The following ARSB variants were observed in gnomAD, a reference collection of about 807,000 sequenced individuals.
The protein encoded by ARSB is arylsulfatase B, also known as N-acetylgalactosamine-4-sulfatase.
In ARSB, 41 loss-of-function variants were observed where a neutral mutation model predicts 50.9. That is an observed-to-expected ratio of 0.81 (90% CI 0.63 to 1.04). The LOEUF is 1.04. ARSB is among the 50% of genes least tolerant of loss of function. The pLI is 0.00. For synonymous variants in ARSB, 269 were observed against 284.8 expected, an observed-to-expected ratio of 0.94 and a Z score of 0.56; for missense variants, 672 against 693.3, an observed-to-expected ratio of 0.97 and a Z score of 0.35.
intron 6 of ARSB, among the ~76,000 whole-genome samples, chr5:78,809,117 C>G (rs973835411): frequency 9.2e-5 from 14 of 152,196 alleles, no homozygotes; most frequent in Non-Finnish European, 2.1e-4. Context: ...TGGACAGATT[C>G]AGCATCTAAC....
In ARSB at chr5:78,942,334, G is replaced by A. The variant is rs191110425; in HGVS notation, c.898+12961C>T. On this transcript the variant is annotated intron_variant, in intron 4 of 7. Transcript: ENST00000264914. ...CCTTGCCTTCTGCTAGCTTTTGAAT[G>A]GGTTTGCTCTTGCTTCTCTAGTTCT... Among the ~76,000 whole-genome samples, 177 of 151,900 alleles carry A rather than the reference G, an allele frequency of 1.2e-3. 1 individual carries two copies. Among genetic ancestry groups the A allele is most frequent in the South Asian group, 8.4e-3 (40 of 4,790 alleles).
intron 6 of ARSB, chr5:78,815,926 G>A: frequency 1.3e-6 from 2 of 1,517,866 alleles, no homozygotes; most frequent in Admixed American, 2.1e-5. Context: ...CTTCTTTCTT[G>A]GAGAAGGCAC....
At chr5:78,807,882 A>G (rs1055968636) in intron 6 of ARSB, among the ~76,000 whole-genome samples, 4 of 151,844 alleles carry the variant, frequency 2.6e-5, no homozygotes, top group East Asian at 1.9e-4. Flanking sequence ...TCACGAGGTC[A>G]GGAGATCGAG....
intron 4 of ARSB, among the ~76,000 whole-genome samples, chr5:78,893,703 T>A (rs771013639): frequency 1.3e-5 from 2 of 152,212 alleles, no homozygotes; most frequent in African/African-American, 2.4e-5. Flanking sequence ...GATCTTTAGA[T>A]GAAAGTTGTA....
At chr5:78,857,931 G>T (rs181720251) in intron 5 of ARSB, among the ~76,000 whole-genome samples, 1 of 152,250 alleles carries the variant, frequency 6.6e-6, no homozygotes, top group East Asian at 1.9e-4. Flanking sequence ...TTTTTTATGT[G>T]CAACACACCA....
chr5:78,831,486 C>T (rs976310404), intron 6 of ARSB, among the ~76,000 whole-genome samples: 2 of 152,110 alleles, frequency 1.3e-5, no homozygotes, highest in African/African-American at 4.8e-5. Context: ...TTTTTCCAGC[C>T]TCCTTTAAAT....
At chr5:78,865,936 C>T (rs1746698506) in intron 5 of ARSB, among the ~76,000 whole-genome samples, 1 of 152,220 alleles carries the variant, frequency 6.6e-6, no homozygotes, top group Admixed American at 6.5e-5. Flanking sequence ...ATATTGCTAT[C>T]AGCATTTTGG....
intron 3 of ARSB, among the ~76,000 whole-genome samples, chr5:78,963,048 C>A (rs1273595346): frequency 7.2e-5 from 11 of 152,186 alleles, no homozygotes. Flanking sequence ...CCAGTGGGAG[C>A]CTAATGGCAG....
chr5:78,821,924 T>A (rs1744244652), intron 6 of ARSB, among the ~76,000 whole-genome samples: 1 of 152,242 alleles, frequency 6.6e-6, no homozygotes, highest in Admixed American at 6.5e-5. Flanking sequence ...GAATAAAAGC[T>A]GACTCTGACT....
intron 6 of ARSB, among the ~76,000 whole-genome samples, chr5:78,811,966 C>G (rs1339315522): frequency 2.0e-5 from 3 of 151,940 alleles, no homozygotes. Context: ...CTGAACTAAT[C>G]CTGTACCAGT....
chr5:78,927,869 C>T (rs1253125465), intron 4 of ARSB, among the ~76,000 whole-genome samples: 1 of 152,128 alleles, frequency 6.6e-6, no homozygotes, highest in East Asian at 1.9e-4. Flanking sequence ...AAAGCTGAGA[C>T]AGGAATGTCA....
intron 4 of ARSB, among the ~76,000 whole-genome samples, chr5:78,939,582 T>G (rs945921078): frequency 6.6e-6 from 1 of 152,222 alleles, no homozygotes; most frequent in African/African-American, 2.4e-5. Context: ...GGTTTCCAGC[T>G]TCATCCGTGT....
intron 6 of ARSB, among the ~76,000 whole-genome samples, chr5:78,793,494 C>G (rs139038080): frequency 1.3e-5 from 2 of 152,094 alleles, no homozygotes; most frequent in African/African-American, 4.8e-5. Context: ...CATGGATGTA[C>G]GCAGTTGGTC....
At chr5:78,877,937 C>T (rs1747563806) in intron 5 of ARSB, among the ~76,000 whole-genome samples, 1 of 151,826 alleles carries the variant, frequency 6.6e-6, no homozygotes, top group African/African-American at 2.4e-5. Flanking sequence ...TTAAAAAGAC[C>T]CAAGTGGAGC....
At chr5:78,861,489 T>A (rs373307210) in intron 5 of ARSB, among the ~76,000 whole-genome samples, 1 of 152,134 alleles carries the variant, frequency 6.6e-6, no homozygotes, top group African/African-American at 2.4e-5. Context: ...ATCCATCATA[T>A]AAACAGAACC....
Position 78,885,742 on chromosome 5 carries a change from C to G in ARSB, c.984G>C (p.Gly328=), listed in dbSNP as rs762523255. The G allele has an allele frequency of 1.2e-6, 2 of 1,614,116 alleles. No homozygotes were observed. The highest frequency in any genetic ancestry group is 1.7e-6 in the Non-Finnish European group (2 of 1,180,040). The change falls in exon 5 of 8, where the codon GGG becomes GGC. Residue 328 remains glycine, a synonymous_variant. Transcript: ENST00000264914. ...GCAAGGGGCTTGCCACAAAGCCCACCCCTCGGACGCCTCCTTCCCACAGGC... is the reference window on the plus strand; with the variant it reads ...GCAAGGGGCTTGCCACAAAGCCCACGCCTCGGACGCCTCCTTCCCACAGGC... ...KWSLWEGGVR[G]VGFVASPLLK...
At chr5:78,917,865 AG>A (rs1274973462) in intron 4 of ARSB, among the ~76,000 whole-genome samples, 1 of 152,220 alleles carries the variant, frequency 6.6e-6, no homozygotes, top group Non-Finnish European at 1.5e-5. Context: ...GGGGGAATCA[AG>A]GAAGACTAGA....
Position 78,885,644 on chromosome 5 carries a change from G to A in ARSB, c.1082C>T (p.Ala361Val), listed in dbSNP as rs1270033283. ...SDWLPTLVKL[A>V]RGHTNGTKPL... ...CTTTGTGCCATTGGTGTGTCCCCTG[G>A]CCAGCTTCACGAGTGTTGGCAGCCA... Residue 361 changes from alanine to valine, a missense_variant, in exon 5 of 8, where the codon GCC (alanine) becomes GTC (valine). Coordinates refer to ENST00000264914, the MANE Select transcript of ARSB (RefSeq NM_000046.5). 2.5e-6 allele frequency: 4 copies of A among 1,614,060 alleles called. No individual in the cohort carries two copies. Among genetic ancestry groups the A allele is most frequent in the South Asian group, 1.1e-5 (1 of 91,072 alleles).
At chr5:78,960,328 T>C (rs766456111) in intron 3 of ARSB, among the ~76,000 whole-genome samples, 10 of 152,114 alleles carry the variant, frequency 6.6e-5, no homozygotes, top group Non-Finnish European at 1.5e-4. Flanking sequence ...GAAAGTCTTA[T>C]TTTCATTTCT....
Sources: gnomAD v4.1 joint callset for allele counts (sites outside exome capture counted in the v4.1 genomes callset) on GRCh38, gnomAD v4.1.1 for gene constraint, MANE v1.5 for transcripts, NCBI Gene and HGNC (gene_info 2026-07-23, HGNC 2026-07-21) for gene names.